STAG1: variants seen among roughly 807,000 people sequenced by gnomAD.
STAG1 encodes cohesin subunit SA-1.
In STAG1, 26 loss-of-function variants were observed where a neutral mutation model predicts 170.9. That is an observed-to-expected ratio of 0.15 (90% confidence interval 0.11 to 0.21). STAG1 has a LOEUF of 0.21. Ranked by LOEUF, STAG1 falls within the 10% of genes least tolerant of loss-of-function variation. STAG1 has a pLI of 1.00. For synonymous variants in STAG1, 514 were observed against 497.7 expected, an observed-to-expected ratio of 1.03 and a Z score of -0.44; for missense variants, 964 against 1,509.5, an observed-to-expected ratio of 0.64 and a Z score of 5.99.
intron 1 of STAG1, among the ~76,000 whole-genome samples, chr3:136,742,360 A>C (rs1934711073): frequency 6.6e-6 from 1 of 152,200 alleles, no homozygotes; most frequent in Admixed American, 6.5e-5. Flanking sequence ...GATATGACTC[A>C]AAATGAAACT....
intron 22 of STAG1, among the ~76,000 whole-genome samples, chr3:136,394,437 A>G (rs2087094112): frequency 6.6e-6 from 1 of 152,208 alleles, no homozygotes; most frequent in South Asian, 2.1e-4. Context: ...ATAAAACTAT[A>G]AATTGTAATT....
intron 1 of STAG1, among the ~76,000 whole-genome samples, chr3:136,646,965 A>G (rs1941045799): frequency 6.6e-6 from 1 of 152,128 alleles, no homozygotes; most frequent in African/African-American, 2.4e-5. Flanking sequence ...AAAATATTGA[A>G]TGTTCCCAAC....
intron 23 of STAG1, among the ~76,000 whole-genome samples, chr3:136,371,570 A>G (rs898658855): frequency 6.6e-5 from 10 of 152,222 alleles, no homozygotes; most frequent in African/African-American, 2.4e-4. Context: ...AGCTTTCTAC[A>G]TATGGCTAGC....
At chr3:136,597,683 C>T (rs1428371401) in intron 4 of STAG1, among the ~76,000 whole-genome samples, 1 of 152,012 alleles carries the variant, frequency 6.6e-6, no homozygotes, top group African/African-American at 2.4e-5. Flanking sequence ...TTGCTGAATG[C>T]TCTCATTAGT....
At chr3:136,647,127 AT>A (rs34146098) in intron 1 of STAG1, among the ~76,000 whole-genome samples, 1 of 152,138 alleles carries the variant, frequency 6.6e-6, no homozygotes, top group Non-Finnish European at 1.5e-5. Flanking sequence ...AATTTAACCT[AT>A]TTTTTTAAAA....
chr3:136,511,093 G>A lies in STAG1; in HGVS notation c.677-8314C>T, dbSNP rs115998823. 7.5e-3 allele frequency among the ~76,000 whole-genome samples: 1,141 copies of A among 152,230 alleles called. 18 individuals are homozygous for A. Among genetic ancestry groups the A allele is most frequent in the African/African-American group, 0.026 (1,082 of 41,524 alleles). On this transcript the variant is annotated intron_variant, in intron 7 of 33. Transcript: ENST00000383202. ...GGCCTGAGATCTGACGGTTTTATACGTCTCTGGCATTTCCCCTGCTTGCAC... is the reference window on the plus strand; with the variant it reads ...GGCCTGAGATCTGACGGTTTTATACATCTCTGGCATTTCCCCTGCTTGCAC...
intron 23 of STAG1, among the ~76,000 whole-genome samples, chr3:136,373,381 C>T (rs1046437235): frequency 5.3e-5 from 8 of 151,946 alleles, no homozygotes; most frequent in Non-Finnish European, 8.8e-5. Flanking sequence ...TATTTCTTGC[C>T]GTCTGCTAGC....
intron 14 of STAG1, among the ~76,000 whole-genome samples, chr3:136,446,272 C>G (rs1447183310): frequency 1.3e-5 from 2 of 152,014 alleles, no homozygotes; most frequent in Non-Finnish European, 2.9e-5. Context: ...ATTTGCTCAC[C>G]AATGTTTCTT....
intron 3 of STAG1, among the ~76,000 whole-genome samples, chr3:136,611,227 G>A (rs1174556275): frequency 1.3e-5 from 2 of 152,064 alleles, no homozygotes; most frequent in Non-Finnish European, 2.9e-5. Flanking sequence ...TAGGCTCACT[G>A]CAACCTCCGC....
intron 10 of STAG1, 68 bp downstream of exon 10, chr3:136,477,221 T>G (rs1481345388): frequency 6.7e-7 from 1 of 1,494,970 alleles, no homozygotes. Context: ...TACTGTCATT[T>G]TGATTCCCAG....
chr3:136,396,519 C>A (rs1321519821), intron 22 of STAG1, among the ~76,000 whole-genome samples: 20 of 78,270 alleles, frequency 2.6e-4, no homozygotes, highest in African/African-American at 8.4e-4. Context: ...CCGCGCCTGG[C>A]CTTTTTTTTT....
rs1457817326 is a variant in STAG1 at position 136,562,912 on chromosome 3, CT to C, written c.394+5852del. ...ATTTCTGACTATTTCATGACACTGA[CT>C]TTTTTGCAGAGTACAGGATAGTTGT... is the stretch of plus-strand genomic sequence containing the variant. On this transcript the variant is annotated intron_variant, in intron 5 of 33. Transcript: ENST00000383202. Among the ~76,000 whole-genome samples, 5 of 152,112 alleles carry C rather than the reference CT, an allele frequency of 3.3e-5. No homozygotes were observed. In the East Asian group the frequency reaches 9.6e-4, roughly 29 times the overall value.
At position 136,630,551 on chromosome 3, in the gene STAG1, G is replaced by A. The variant is rs937780381; in HGVS notation, c.29+319C>T. ...AAACAGCATGTAAAGGAATGAGTAT[G>A]GCTCTCATCCAAAATTTTATTTTGC... is the stretch of plus-strand genomic sequence containing the variant. On this transcript the variant is annotated intron_variant, in intron 2 of 33. Coordinates refer to ENST00000383202, the MANE Select transcript of STAG1 (RefSeq NM_005862.3). 4.6e-5 allele frequency among the ~76,000 whole-genome samples: 7 copies of A among 152,188 alleles called. No individual in the cohort carries two copies. The East Asian group carries it at 1.3e-3, about 29-fold the overall frequency.
chr3:136,503,937 A>G (rs953950810), intron 7 of STAG1, among the ~76,000 whole-genome samples: 1 of 152,084 alleles, frequency 6.6e-6, no homozygotes, highest in Admixed American at 6.6e-5. Context: ...GGGTTTCACC[A>G]TGTTGGCCAG....
At chr3:136,345,553 T>G (rs1398011953) in intron 29 of STAG1, among the ~76,000 whole-genome samples, 1 of 149,782 alleles carries the variant, frequency 6.7e-6, no homozygotes, top group Non-Finnish European at 1.5e-5. Context: ...TCTCCCAAAG[T>G]GCAGAAATTA....
intron 4 of STAG1, 125 bp downstream of exon 4, chr3:136,604,184 G>T: frequency 2.5e-6 from 2 of 812,292 alleles, no homozygotes; most frequent in Non-Finnish European, 3.6e-6. Flanking sequence ...AACCTTTCAG[G>T]ATAAACTGAA....
intron 10 of STAG1, among the ~76,000 whole-genome samples, chr3:136,474,742 G>A (rs1312423149): frequency 6.6e-6 from 1 of 152,218 alleles, no homozygotes; most frequent in Non-Finnish European, 1.5e-5. Context: ...TGTGGCAGGT[G>A]CTGCTGATGC....
intron 1 of STAG1, among the ~76,000 whole-genome samples, chr3:136,689,514 A>C (rs1942645240): frequency 6.6e-6 from 1 of 152,180 alleles, no homozygotes; most frequent in African/African-American, 2.4e-5. Context: ...TTTGGGAGAA[A>C]AGGTTTATTA....
At position 136,442,621 on chromosome 3, in the gene STAG1, TA is replaced by T. The variant is rs1343469215; in HGVS notation, c.1546+665del. Among the ~76,000 whole-genome samples, 23 of 151,930 alleles carry T rather than the reference TA, an allele frequency of 1.5e-4. No individual in the cohort carries two copies. The East Asian group carries it at 4.0e-3, about 27-fold the overall frequency. ...AAAGAGGGGATGGCTGTGGTCTAAT[TA>T]AATCATTATGCATAAAAGGTTTTTT... On this transcript the variant is annotated intron_variant, in intron 15 of 33. Transcript: ENST00000383202.
Sources: gnomAD v4.1 joint callset for allele counts (sites outside exome capture counted in the v4.1 genomes callset) on GRCh38, gnomAD v4.1.1 for gene constraint, MANE v1.5 for transcripts, NCBI Gene and HGNC (gene_info 2026-07-23, HGNC 2026-07-21) for gene names.